Variants in TGFBR2 observed in about 807,000 individuals in gnomAD.
TGFBR2 encodes the protein transforming growth factor beta receptor 2.
Under a neutral mutation model 49.0 loss-of-function variants are expected in TGFBR2, and 18 were observed. The ratio of observed to expected loss-of-function variants is 0.37; its 90% CI spans 0.25 to 0.54. The LOEUF is 0.54. Ranked by LOEUF, TGFBR2 falls within the 20% of genes least tolerant of loss-of-function variation. The pLI, the probability that TGFBR2 is intolerant of heterozygous loss-of-function variation, is 0.85. For missense variants in TGFBR2, 525 were observed against 722.6 expected (o/e 0.73, Z 3.13); for synonymous variants, 282 against 275.9 (o/e 1.02, Z -0.22).
At chr3:30,670,242 T>A (rs536212652) in intron 3 of TGFBR2, among the ~76,000 whole-genome samples, 1 of 152,352 alleles carries the variant, frequency 6.6e-6, no homozygotes, top group Admixed American at 6.5e-5. Context: ...TTTTTGCTAC[T>A]GTGCCTTCCA....
chr3:30,645,901 C>T (rs1698728443), intron 2 of TGFBR2, among the ~76,000 whole-genome samples: 1 of 151,970 alleles, frequency 6.6e-6, no homozygotes, highest in African/African-American at 2.4e-5. Flanking sequence ...AGTGGATACT[C>T]ATGAATCATT....
intron 1 of TGFBR2, among the ~76,000 whole-genome samples, chr3:30,636,764 C>G (rs2125397340): frequency 6.7e-6 from 1 of 149,272 alleles, no homozygotes; most frequent in Admixed American, 6.7e-5. Flanking sequence ...GTGTGTATTC[C>G]CTTTAAAAAG....
At chr3:30,639,023 A>G (rs1314915331) in intron 1 of TGFBR2, among the ~76,000 whole-genome samples, 22 of 152,212 alleles carry the variant, frequency 1.4e-4, no homozygotes, top group African/African-American at 4.8e-5. Flanking sequence ...TGGGTTTGCA[A>G]TCATTTAAGA....
chr3:30,652,372 C>T (rs1698909257), intron 3 of TGFBR2, among the ~76,000 whole-genome samples: 1 of 151,338 alleles, frequency 6.6e-6, no homozygotes, highest in Non-Finnish European at 1.5e-5. Context: ...GTAGGTGGGA[C>T]TGCAGGAGTG....
chr3:30,634,516 A>G (rs2125395039), intron 1 of TGFBR2, among the ~76,000 whole-genome samples: 1 of 152,296 alleles, frequency 6.6e-6, no homozygotes, highest in African/African-American at 2.4e-5. Context: ...GGGTTTAAAT[A>G]TGAGGGCTGT....
Position 30,656,096 on chromosome 3 carries a change from A to T in TGFBR2, c.454+5636A>T, listed in dbSNP as rs143669497. Reference sequence around the variant, plus strand: ...CAGAGATGGAGGTCTTATTAACTTCATGCTGGTAACTCCCTGAGCTAATGG... The same window carrying T: ...CAGAGATGGAGGTCTTATTAACTTCTTGCTGGTAACTCCCTGAGCTAATGG... On this transcript the variant is annotated intron_variant, in intron 3 of 6. Transcript: ENST00000295754. Among the ~76,000 whole-genome samples the T allele has an allele frequency of 2.4e-4, 37 of 152,282 alleles. No individual in the cohort carries two copies. The East Asian group carries it at 6.0e-3, about 25-fold the overall frequency.
At chr3:30,682,705 G>A (rs1013577615) in intron 5 of TGFBR2, among the ~76,000 whole-genome samples, 2 of 152,206 alleles carry the variant, frequency 1.3e-5, no homozygotes, top group Admixed American at 1.3e-4. Flanking sequence ...AAGGACAAGT[G>A]TTTGGGTTTA....
intron 6 of TGFBR2, among the ~76,000 whole-genome samples, chr3:30,690,514 T>A (rs1359544316): frequency 6.6e-6 from 1 of 152,148 alleles, no homozygotes; most frequent in African/African-American, 2.4e-5. Context: ...CCAGAGGTCA[T>A]CCTTGGCAGC....
At chr3:30,645,716 C>A (rs1337432201) in intron 2 of TGFBR2, among the ~76,000 whole-genome samples, 10 of 151,934 alleles carry the variant, frequency 6.6e-5, no homozygotes, top group Non-Finnish European at 1.5e-4. Flanking sequence ...GAACTCCCGA[C>A]CTCAGGTGAT....
At chr3:30,689,490 G>A (rs1366656946) in intron 6 of TGFBR2, among the ~76,000 whole-genome samples, 2 of 152,208 alleles carry the variant, frequency 1.3e-5, no homozygotes, top group Non-Finnish European at 2.9e-5. Flanking sequence ...GGCAAATTCA[G>A]ATAAGAAACA....
chr3:30,628,459 C>G (rs1222779560), intron 1 of TGFBR2, among the ~76,000 whole-genome samples: 1 of 143,328 alleles, frequency 7.0e-6, no homozygotes, highest in East Asian at 2.1e-4. Context: ...CCTAGAAACT[C>G]ACCTTTATTT....
chr3:30,624,533 T>C (rs1698295557), intron 1 of TGFBR2, among the ~76,000 whole-genome samples: 1 of 151,978 alleles, frequency 6.6e-6, no homozygotes, highest in African/African-American at 2.4e-5. Flanking sequence ...AGGGAATCAC[T>C]TGAACCTGGG....
At position 30,654,585 on chromosome 3, in the gene TGFBR2, A is replaced by G. The variant is rs76042225; in HGVS notation, c.454+4125A>G. On this transcript the variant is annotated intron_variant, in intron 3 of 6. Transcript: ENST00000295754. ...TTGTGTAGAATTCTAAGGAAATCAGAGTCTATCCCTGTACTAACCAACATA... is the reference window on the plus strand; with the variant it reads ...TTGTGTAGAATTCTAAGGAAATCAGGGTCTATCCCTGTACTAACCAACATA... 7.9e-3 allele frequency among the ~76,000 whole-genome samples: 1,201 copies of G among 152,304 alleles called. 18 individuals carry two copies. The highest frequency in any genetic ancestry group is 0.072 in the East Asian group (371 of 5,180).
At chr3:30,617,680 C>T (rs2125448705) in intron 1 of TGFBR2, among the ~76,000 whole-genome samples, 1 of 152,242 alleles carries the variant, frequency 6.6e-6, no homozygotes, top group Middle Eastern at 3.4e-3. Context: ...AAAGCTTGAG[C>T]TCCAGCATTC....
chr3:30,646,613 G>C (rs1698746478), intron 2 of TGFBR2, among the ~76,000 whole-genome samples: 1 of 152,112 alleles, frequency 6.6e-6, no homozygotes, highest in Non-Finnish European at 1.5e-5. Flanking sequence ...TCACAATCAT[G>C]GTTTCCCAAC....
At chr3:30,636,434 C>T (rs1439494617) in intron 1 of TGFBR2, among the ~76,000 whole-genome samples, 3 of 152,060 alleles carry the variant, frequency 2.0e-5, no homozygotes, top group African/African-American at 7.2e-5. Flanking sequence ...ATTGTTTCTC[C>T]ACTTCTGATC....
rs565423220 is a variant in TGFBR2, at chr3:30,672,939, C to T, written c.1254+502C>T. ...CATTGAAAGTAAAATAAGTACTTGT[C>T]GACTGAGTGAGCACTTCCACTCTTG... On this transcript the variant is annotated intron_variant, in intron 4 of 6. Transcript: ENST00000295754. This position sits in a 1 kb window ranked among gnomAD's most constrained non-coding sequence, Gnocchi z 4.5. Among the ~76,000 whole-genome samples the T allele has an allele frequency of 4.1e-4, 63 of 152,262 alleles. No individual in the cohort carries two copies. The highest frequency in any genetic ancestry group is 3.4e-3 in the Middle Eastern group (1 of 294).
chr3:30,630,823 G>A (rs902724274), intron 1 of TGFBR2, among the ~76,000 whole-genome samples: 2 of 152,054 alleles, frequency 1.3e-5, no homozygotes, highest in Non-Finnish European at 2.9e-5. Flanking sequence ...CTCTCTAGAG[G>A]ACACAGCAAC....
intron 3 of TGFBR2, among the ~76,000 whole-genome samples, chr3:30,657,634 G>A (rs759303954): frequency 6.6e-6 from 1 of 152,178 alleles, no homozygotes; most frequent in Non-Finnish European, 1.5e-5. Context: ...CACAGAGTGA[G>A]CACTTAATGA....
Sources: gnomAD v4.1 joint callset for allele counts (sites outside exome capture counted in the v4.1 genomes callset) on GRCh38, gnomAD v4.1.1 for gene constraint, Gnocchi (gnomAD v3.1) non-coding constraint, MANE v1.5 for transcripts, NCBI Gene and HGNC (gene_info 2026-07-23, HGNC 2026-07-21) for gene names.